Variants in ROBO2 observed in about 807,000 individuals in gnomAD.
ROBO2 encodes roundabout guidance receptor 2.
ROBO2 carries 53 observed loss-of-function variants against 160.8 expected under a neutral mutation model. That is an observed-to-expected ratio of 0.33 (90% CI 0.26 to 0.41). The LOEUF (loss-of-function observed/expected upper bound fraction) is 0.41, where lower values mean the gene tolerates loss of function less well. Among genes scored for constraint, ROBO2 ranks in the 10% least tolerant of loss-of-function variants. ROBO2 has a pLI of 1.00. For synonymous variants in ROBO2, 664 were observed against 611.7 expected (o/e 1.09, Z -1.26); for missense variants, 1,577 against 1,722.4 (o/e 0.92, Z 1.49).
intron 2 of ROBO2, among the ~76,000 whole-genome samples, chr3:76,207,755 A>C (rs1272240181): frequency 6.6e-6 from 1 of 152,224 alleles, no homozygotes; most frequent in East Asian, 1.9e-4. Flanking sequence ...CAAAGGAGGA[A>C]GGAGCGATGT....
chr3:77,107,648 AT>A (rs2072992986), intron 2 of ROBO2, among the ~76,000 whole-genome samples: 1 of 152,214 alleles, frequency 6.6e-6, no homozygotes. Flanking sequence ...ATACTATGCC[AT>A]TTTATAAAAT....
intron 2 of ROBO2, among the ~76,000 whole-genome samples, chr3:77,204,457 A>G (rs2083223412): frequency 6.6e-6 from 1 of 152,202 alleles, no homozygotes; most frequent in African/African-American, 2.4e-5. Context: ...AATATGTGAA[A>G]TCATTTTTAT....
At chr3:76,141,157 C>CTATATA (rs1175006681) in intron 2 of ROBO2, among the ~76,000 whole-genome samples, 21 of 17,950 alleles carry the variant, frequency 1.2e-3, no homozygotes, top group East Asian at 7.4e-3. Context: ...CTCTCTCTCT[C>CTATATA]TCTATATATA....
intron 2 of ROBO2, among the ~76,000 whole-genome samples, chr3:76,682,529 TC>T (rs1248531014): frequency 6.6e-6 from 1 of 152,020 alleles, no homozygotes; most frequent in Non-Finnish European, 1.5e-5. Flanking sequence ...TGCCTCAGCC[TC>T]CTGAGTAGCT....
chr3:77,273,325 A>ATGTGGCGTT, intron 2 of ROBO2, among the ~76,000 whole-genome samples: 2 of 152,312 alleles, frequency 1.3e-5, no homozygotes, highest in Middle Eastern at 6.8e-3. Context: ...AGAAAACTAA[A>ATGTGGCGTT]TGCCACATGT....
At chr3:76,910,292 A>G (rs987105161) in intron 2 of ROBO2, among the ~76,000 whole-genome samples, 4 of 152,200 alleles carry the variant, frequency 2.6e-5, no homozygotes, top group Admixed American at 6.5e-5. Context: ...ATACATCCTC[A>G]ACAACTTGTA....
chr3:76,081,718 T>G (rs1368242635), intron 2 of ROBO2, among the ~76,000 whole-genome samples: 2 of 152,124 alleles, frequency 1.3e-5, no homozygotes, highest in Admixed American at 1.3e-4. Context: ...TCTCTTGAGC[T>G]GGATACCACA....
At chr3:76,899,857 C>T (rs531507428) in intron 2 of ROBO2, among the ~76,000 whole-genome samples, 5 of 151,832 alleles carry the variant, frequency 3.3e-5, no homozygotes, top group Admixed American at 6.6e-5. Context: ...TATGTTTTGT[C>T]CTCATTCGTA....
chr3:76,665,553 C>T (rs7643985), intron 2 of ROBO2, among the ~76,000 whole-genome samples: 40,950 of 151,200 alleles, frequency 0.27, 6,087 homozygotes, highest in East Asian at 0.47. Flanking sequence ...AGCACAGATG[C>T]TTAAGGCCAA....
chr3:76,333,679 G>A (rs577098289), intron 2 of ROBO2, among the ~76,000 whole-genome samples: 5 of 152,160 alleles, frequency 3.3e-5, no homozygotes, highest in Non-Finnish European at 5.9e-5. Context: ...CACTAACCAC[G>A]CAAGCAAAAG....
chr3:76,666,574 T>C (rs2092055728), intron 2 of ROBO2, among the ~76,000 whole-genome samples: 1 of 152,168 alleles, frequency 6.6e-6, no homozygotes, highest in African/African-American at 2.4e-5. Flanking sequence ...AATGGAATAT[T>C]ATTAACTGAT....
rs148603622 is a variant in ROBO2 at position 76,793,682 on chromosome 3, G to T, written c.110-304332G>T. Among the ~76,000 whole-genome samples, 146 of 151,780 alleles carry T rather than the reference G, an allele frequency of 9.6e-4. 1 individual carries two copies. The highest frequency in any genetic ancestry group is 3.4e-3 in the African/African-American group (140 of 41,456). ...GTTACATATGTATACATGTGCCATG[G>T]TGGTGTACTGCACCCATTAACTCGT... On this transcript the variant is annotated intron_variant, in intron 2 of 26. Transcript: ENST00000487694.
intron 2 of ROBO2, among the ~76,000 whole-genome samples, chr3:76,736,418 A>G (rs898043780): frequency 1.3e-5 from 2 of 152,190 alleles, no homozygotes; most frequent in African/African-American, 4.8e-5. Context: ...CACAGCGGCA[A>G]TGCTGAATGC....
chr3:76,761,917 A>G (rs139056596), intron 2 of ROBO2, among the ~76,000 whole-genome samples: 1 of 151,824 alleles, frequency 6.6e-6, no homozygotes, highest in Non-Finnish European at 1.5e-5. Context: ...TCAGTGTTTG[A>G]TAGATAGCCA....
chr3:76,117,086 T>G (rs934531530), intron 2 of ROBO2, among the ~76,000 whole-genome samples: 1 of 152,196 alleles, frequency 6.6e-6, no homozygotes, highest in African/African-American at 2.4e-5. Flanking sequence ...CAAGACACTT[T>G]TTAAAACATT....
intron 2 of ROBO2, among the ~76,000 whole-genome samples, chr3:76,488,134 T>G (rs2079602182): frequency 6.6e-6 from 1 of 152,158 alleles, no homozygotes; most frequent in African/African-American, 2.4e-5. Flanking sequence ...ATTAGTTTTC[T>G]ATTGCTGCGT....
chr3:75,953,658 G>T (rs1195282851), intron 2 of ROBO2, among the ~76,000 whole-genome samples: 1 of 151,704 alleles, frequency 6.6e-6, no homozygotes, highest in African/African-American at 2.4e-5. Flanking sequence ...ATTCAGGCAG[G>T]GTGTATATAG....
At chr3:76,190,958 T>C (rs923935344) in intron 2 of ROBO2, among the ~76,000 whole-genome samples, 2 of 152,162 alleles carry the variant, frequency 1.3e-5, no homozygotes, top group African/African-American at 4.8e-5. Context: ...TCAAAGGTTT[T>C]GCATGCTTAA....
At chr3:77,433,412 T>G (rs1048508183) in intron 2 of ROBO2, among the ~76,000 whole-genome samples, 1 of 149,222 alleles carries the variant, frequency 6.7e-6, no homozygotes, top group Non-Finnish European at 1.5e-5. Flanking sequence ...GACATCTATA[T>G]AATGTTTATT....
Sources: gnomAD v4.1 joint callset for allele counts (sites outside exome capture counted in the v4.1 genomes callset) on GRCh38, gnomAD v4.1.1 for gene constraint, MANE v1.5 for transcripts, NCBI Gene and HGNC (gene_info 2026-07-23, HGNC 2026-07-21) for gene names.